DCC: variants seen among roughly 807,000 people sequenced by gnomAD.
DCC encodes the protein netrin receptor DCC.
Under a neutral mutation model 172.5 loss-of-function variants are expected in DCC, and 58 were observed. The ratio of observed to expected loss-of-function variants is 0.34; its 90% CI spans 0.27 to 0.42. DCC has a LOEUF of 0.42. Ranked by LOEUF, DCC falls within the 10% of genes least tolerant of loss-of-function variation. The pLI is 1.00. For synonymous variants in DCC, 709 were observed against 644.5 expected, an observed-to-expected ratio of 1.10 and a Z score of -1.52; for missense variants, 1,740 against 1,791.0, an observed-to-expected ratio of 0.97 and a Z score of 0.51.
At chr18:53,131,712 C>G (rs1422106974) in intron 7 of DCC, among the ~76,000 whole-genome samples, 1 of 151,960 alleles carries the variant, frequency 6.6e-6, no homozygotes, top group East Asian at 1.9e-4. Flanking sequence ...AAAAGACAGT[C>G]AAATAAAGAG....
intron 27 of DCC, among the ~76,000 whole-genome samples, chr18:53,506,794 G>T (rs2046183163): frequency 1.3e-5 from 2 of 151,432 alleles, no homozygotes; most frequent in Non-Finnish European, 2.9e-5. Context: ...GAAGGCAGAG[G>T]TTGCAGTGAG....
chr18:52,838,333 TAGAA>T (rs1220066023), intron 2 of DCC, among the ~76,000 whole-genome samples: 2 of 152,292 alleles, frequency 1.3e-5, no homozygotes, highest in East Asian at 1.9e-4. Context: ...TTTCTTGTCT[TAGAA>T]AGTAAGATAT....
rs374129823 is a variant in DCC, at chr18:52,783,323, C to CTTTTTTTTTT, written c.412+30978_412+30987dup. ...ACTAAAAATAATTTATACTACTACT[C>CTTTTTTTTTT]TTTTTTTTTTTTTTTTTTTTTTTTT... is the stretch of plus-strand genomic sequence containing the variant. On this transcript the variant is annotated intron_variant, in intron 2 of 28. Transcript: ENST00000442544. 8.1e-3 allele frequency among the ~76,000 whole-genome samples: 480 copies of CTTTTTTTTTT among 59,232 alleles called. 101 individuals are homozygous for CTTTTTTTTTT. Among genetic ancestry groups the CTTTTTTTTTT allele is most frequent in the Admixed American group, 9.1e-3 (38 of 4,174 alleles). 38.9% of individuals were successfully genotyped at this position (59,232 alleles called of 152,430 possible). A position where few individuals can be genotyped will look rare whatever the true frequency, so the allele number is the denominator to read the frequency against.
At chr18:52,788,730 C>A (rs1001022549) in intron 2 of DCC, among the ~76,000 whole-genome samples, 1 of 152,084 alleles carries the variant, frequency 6.6e-6, no homozygotes, top group Admixed American at 6.6e-5. Context: ...GGGCGGAGCC[C>A]TTGGAGGAAC....
At chr18:52,609,330 G>T (rs1422868967) in intron 1 of DCC, among the ~76,000 whole-genome samples, 1 of 152,044 alleles carries the variant, frequency 6.6e-6, no homozygotes, top group African/African-American at 2.4e-5. Context: ...AATTCTGTGT[G>T]TTCAGTAGTT....
At chr18:52,867,162 T>C (rs1467878516) in intron 2 of DCC, among the ~76,000 whole-genome samples, 5 of 152,230 alleles carry the variant, frequency 3.3e-5, no homozygotes, top group South Asian at 2.1e-4. Context: ...ATTGGTTCTG[T>C]TTATGTGATG....
At chr18:52,876,245 G>T (rs1037992540) in intron 2 of DCC, among the ~76,000 whole-genome samples, 1 of 152,140 alleles carries the variant, frequency 6.6e-6, no homozygotes, top group Admixed American at 6.5e-5. Flanking sequence ...TCAGAGCCTA[G>T]AGAATCTATT....
chr18:53,471,557 A>G (rs1375194731), intron 25 of DCC, among the ~76,000 whole-genome samples: 1 of 152,186 alleles, frequency 6.6e-6, no homozygotes, highest in Non-Finnish European at 1.5e-5. Context: ...ATGTTCTACA[A>G]GGTCCCATGT....
At chr18:52,455,080 T>C (rs1988418481) in intron 1 of DCC, among the ~76,000 whole-genome samples, 1 of 152,192 alleles carries the variant, frequency 6.6e-6, no homozygotes, top group African/African-American at 2.4e-5. Context: ...TAAAAATTCC[T>C]TTTATGAAGT....
intron 19 of DCC, among the ~76,000 whole-genome samples, chr18:53,407,534 T>G (rs994541080): frequency 0.029 from 4,035 of 141,002 alleles, 240 homozygotes; most frequent in African/African-American, 0.097. Context: ...TCTGGATATA[T>G]ATATATATAT....
intron 1 of DCC, among the ~76,000 whole-genome samples, chr18:52,616,706 A>G (rs1035528489): frequency 6.6e-6 from 1 of 152,196 alleles, no homozygotes; most frequent in African/African-American, 2.4e-5. Context: ...ACATGTTCCC[A>G]TGCAATTCAA....
chr18:52,858,702 T>C (rs1248912137), intron 2 of DCC, among the ~76,000 whole-genome samples: 1 of 151,682 alleles, frequency 6.6e-6, no homozygotes, highest in African/African-American at 2.4e-5. Context: ...CATGGGGGAG[T>C]TCAAACTGAA....
At chr18:52,674,138 G>A (rs1207429094) in intron 1 of DCC, among the ~76,000 whole-genome samples, 2 of 152,106 alleles carry the variant, frequency 1.3e-5, no homozygotes, top group Non-Finnish European at 2.9e-5. Flanking sequence ...GTGTTAATCA[G>A]GTTCTCCAAG....
At chr18:52,591,393 A>G (rs963010662) in intron 1 of DCC, among the ~76,000 whole-genome samples, 1 of 152,186 alleles carries the variant, frequency 6.6e-6, no homozygotes, top group Non-Finnish European at 1.5e-5. Context: ...TTTCACTTAA[A>G]ACATTATTAA....
At chr18:53,242,629 C>T (rs1328988768) in intron 12 of DCC, among the ~76,000 whole-genome samples, 2 of 151,976 alleles carry the variant, frequency 1.3e-5, no homozygotes, top group Admixed American at 6.6e-5. Context: ...ATCTAAGAAC[C>T]AAATAAATGC....
At position 53,305,663 on chromosome 18, in the gene DCC, C is replaced by G; in HGVS notation, c.1997C>G (p.Thr666Ser). Residue 666 changes from threonine (T) to serine (S), a missense_variant, in exon 13 of 29, where the codon ACC becomes AGC. Thr to Ser is a moderately conservative substitution (Grantham distance 58). Around this residue, in one of 2 missense-constraint regions of DCC, gnomAD observed 1,732 missense variants for 1,767.4 expected, o/e 0.98. Coordinates refer to ENST00000442544, the MANE Select transcript of DCC (RefSeq NM_005215.4). ...TGYKIRHRKTTRRGEMETLEP... is the reference protein window; with the variant it reads ...TGYKIRHRKTSRRGEMETLEP... Reference sequence around the variant, plus strand: ...TATAAAATTCGACACAGAAAGACGACCCGCAGGGGTGAGATGGAAACACTG... The same window carrying G: ...TATAAAATTCGACACAGAAAGACGAGCCGCAGGGGTGAGATGGAAACACTG... The G allele has an allele frequency of 3.1e-6, 5 of 1,614,012 alleles. No homozygotes were observed. Among genetic ancestry groups the G allele is most frequent in the Non-Finnish European group, 4.2e-6 (5 of 1,179,904 alleles).
intron 1 of DCC, among the ~76,000 whole-genome samples, chr18:52,642,813 G>A (rs374177201): frequency 6.6e-6 from 1 of 152,100 alleles, no homozygotes; most frequent in Admixed American, 6.5e-5. Flanking sequence ...ATGGGTTTGG[G>A]CCATCACACC....
chr18:52,791,946 T>C (rs1455350862), intron 2 of DCC, among the ~76,000 whole-genome samples: 1 of 152,174 alleles, frequency 6.6e-6, no homozygotes, highest in African/African-American at 2.4e-5. Context: ...CACTAAAATC[T>C]GGCTTTGGAG....
intron 7 of DCC, among the ~76,000 whole-genome samples, chr18:53,131,603 T>C (rs2043652375): frequency 6.6e-6 from 1 of 152,106 alleles, no homozygotes; most frequent in Admixed American, 6.6e-5. Context: ...CATATATCAG[T>C]AAACATATAT....
Sources: gnomAD v4.1 joint callset for allele counts (sites outside exome capture counted in the v4.1 genomes callset) on GRCh38, gnomAD v4.1.1 for gene constraint, gnomAD v4.1.1 regional missense constraint, MANE v1.5 for transcripts, NCBI Gene and HGNC (gene_info 2026-07-23, HGNC 2026-07-21) for gene names.